The following DLG2 variants were observed in gnomAD, a reference collection of about 807,000 sequenced individuals.
DLG2 encodes discs large MAGUK scaffold protein 2, also known as disks large homolog 2.
Under a neutral mutation model 132.5 loss-of-function variants are expected in DLG2, and 45 were observed. The ratio of observed to expected loss-of-function variants is 0.34; its 90% CI spans 0.27 to 0.44. The LOEUF (loss-of-function observed/expected upper bound fraction) is 0.44. Among genes scored for constraint, DLG2 ranks in the 20% least tolerant of loss-of-function variants. The probability of loss-of-function intolerance (pLI) is 1.00; values close to 1 mark genes in which losing one functional copy is unlikely to be tolerated. For missense variants in DLG2, 1,045 were observed against 1,196.9 expected (o/e 0.87, Z 1.87); for synonymous variants, 424 against 419.6 (o/e 1.01, Z -0.13).
intron 10 of DLG2, among the ~76,000 whole-genome samples, chr11:84,072,912 G>A (rs1288811221): frequency 6.6e-6 from 1 of 152,202 alleles, no homozygotes; most frequent in African/African-American, 2.4e-5. Flanking sequence ...GAAGGGGACA[G>A]ACATGGAGGG....
At chr11:84,385,219 T>A (rs908254925) in intron 7 of DLG2, among the ~76,000 whole-genome samples, 2 of 151,968 alleles carry the variant, frequency 1.3e-5, no homozygotes, top group East Asian at 1.9e-4. Flanking sequence ...AGCAGTAAAA[T>A]TTTTTTAATC....
chr11:85,339,881 T>A (rs879435233), intron 3 of DLG2, among the ~76,000 whole-genome samples: 3 of 151,932 alleles, frequency 2.0e-5, no homozygotes, highest in African/African-American at 7.3e-5. Flanking sequence ...AACAGACACA[T>A]GAAAAAATGC....
chr11:84,355,579 T>G (rs576160055), intron 7 of DLG2, among the ~76,000 whole-genome samples: 1 of 152,200 alleles, frequency 6.6e-6, no homozygotes, highest in South Asian at 2.1e-4. Context: ...GATAAACTTT[T>G]GTTGTTATAA....
At chr11:85,497,265 A>G (rs1306860415) in intron 3 of DLG2, among the ~76,000 whole-genome samples, 1 of 152,010 alleles carries the variant, frequency 6.6e-6, no homozygotes, top group Non-Finnish European at 1.5e-5. Flanking sequence ...CCACAGTACG[A>G]GAATTTAGTG....
intron 10 of DLG2, among the ~76,000 whole-genome samples, chr11:84,097,152 C>A (rs1367089256): frequency 6.6e-6 from 1 of 152,192 alleles, no homozygotes; most frequent in Non-Finnish European, 1.5e-5. Context: ...TACAGGACTT[C>A]ACTTGCTTTA....
intron 6 of DLG2, among the ~76,000 whole-genome samples, chr11:84,818,534 C>T (rs947607645): frequency 2.8e-4 from 43 of 151,640 alleles, no homozygotes; most frequent in Non-Finnish European, 1.5e-4. Flanking sequence ...ATATACTTAA[C>T]AAGCCAGAAG....
chr11:85,587,576 A>C (rs2079050148), intron 3 of DLG2, among the ~76,000 whole-genome samples: 1 of 152,060 alleles, frequency 6.6e-6, no homozygotes, highest in Admixed American at 6.6e-5. Context: ...CCATTACCTT[A>C]AGTGAGTTCT....
intron 7 of DLG2, among the ~76,000 whole-genome samples, chr11:84,347,511 G>T (rs1413596015): frequency 6.6e-6 from 1 of 152,126 alleles, no homozygotes; most frequent in African/African-American, 2.4e-5. Flanking sequence ...GAATGTTTTT[G>T]ATTTCTAGTC....
chr11:83,602,086 A>G (rs1261696022), intron 19 of DLG2, among the ~76,000 whole-genome samples: 1 of 152,174 alleles, frequency 6.6e-6, no homozygotes, highest in East Asian at 1.9e-4. Flanking sequence ...GTGGGAATAA[A>G]TCATGGACAG....
intron 4 of DLG2, among the ~76,000 whole-genome samples, chr11:85,198,987 A>G (rs1320792745): frequency 6.6e-6 from 1 of 152,148 alleles, no homozygotes; most frequent in Non-Finnish European, 1.5e-5. Context: ...CCCCACACAT[A>G]CTTTGGAGAA....
chr11:85,069,161 T>A (rs1227846986), intron 6 of DLG2, among the ~76,000 whole-genome samples: 1 of 151,130 alleles, frequency 6.6e-6, no homozygotes, highest in Non-Finnish European at 1.5e-5. Context: ...TCAAGATGGA[T>A]TAAAGACTTA....
At chr11:85,147,256 G>C (rs2152443422) in intron 5 of DLG2, among the ~76,000 whole-genome samples, 1 of 152,238 alleles carries the variant, frequency 6.6e-6, no homozygotes. Context: ...TCCTGCAGGG[G>C]GGATAATCAC....
At chr11:85,074,502 T>G (rs959884987) in intron 6 of DLG2, among the ~76,000 whole-genome samples, 2 of 151,890 alleles carry the variant, frequency 1.3e-5, no homozygotes, top group Non-Finnish European at 2.9e-5. Context: ...TTCTGTAGAT[T>G]CGCAATAGCT....
intron 8 of DLG2, among the ~76,000 whole-genome samples, chr11:84,197,513 G>A (rs2096537841): frequency 6.6e-6 from 1 of 152,012 alleles, no homozygotes; most frequent in African/African-American, 2.4e-5. Flanking sequence ...ATGCCACCCA[G>A]GGAAACAAAT....
At chr11:85,098,203 T>C (rs1304740330) in intron 6 of DLG2, among the ~76,000 whole-genome samples, 1 of 152,202 alleles carries the variant, frequency 6.6e-6, no homozygotes, top group Non-Finnish European at 1.5e-5. Context: ...TTTAACCCGG[T>C]ACTGAGTGAC....
intron 18 of DLG2, among the ~76,000 whole-genome samples, chr11:83,717,142 C>A (rs543167695): frequency 6.6e-6 from 1 of 152,278 alleles, no homozygotes; most frequent in East Asian, 1.9e-4. Flanking sequence ...GTACAGTATA[C>A]CTCTCACTAA....
chr11:84,655,630 T>C (rs1344135873), intron 6 of DLG2, among the ~76,000 whole-genome samples: 2 of 152,094 alleles, frequency 1.3e-5, no homozygotes, highest in African/African-American at 4.8e-5. Context: ...GTGTGACTCT[T>C]GGCTTTGTCT....
intron 16 of DLG2, among the ~76,000 whole-genome samples, chr11:83,866,863 C>G (rs905361306): frequency 6.6e-6 from 1 of 152,150 alleles, no homozygotes; most frequent in East Asian, 1.9e-4. Flanking sequence ...CTAAACAGGG[C>G]AGCTCAATAA....
At chr11:85,239,866 A>C (rs2152672755) in intron 4 of DLG2, among the ~76,000 whole-genome samples, 1 of 151,752 alleles carries the variant, frequency 6.6e-6, no homozygotes, top group African/African-American at 2.4e-5. Context: ...ATTCTTGTCT[A>C]TGTTTCAAAC....
Sources: gnomAD v4.1 joint callset for allele counts (sites outside exome capture counted in the v4.1 genomes callset) on GRCh38, gnomAD v4.1.1 for gene constraint, MANE v1.5 for transcripts, NCBI Gene and HGNC (gene_info 2026-07-23, HGNC 2026-07-21) for gene names.